Variants in URB1 observed in about 807,000 individuals in gnomAD.
URB1 encodes URB1 ribosome biogenesis factor, also known as nucleolar pre-ribosomal-associated protein 1.
In URB1, 197 loss-of-function variants were observed where a neutral mutation model predicts 242.3. The ratio of observed to expected loss-of-function variants is 0.81; its 90% CI spans 0.72 to 0.91. The LOEUF (loss-of-function observed/expected upper bound fraction) is 0.91, where lower values mean the gene tolerates loss of function less well. URB1 is among the 40% of genes least tolerant of loss of function. URB1 has a pLI of 0.00. For missense variants in URB1, 2,721 were observed against 2,860.5 expected, an observed-to-expected ratio of 0.95 and a Z score of 1.11; for synonymous variants, 1,153 against 1,201.8, an observed-to-expected ratio of 0.96 and a Z score of 0.84.
In URB1 at chr21:32,321,873, C is replaced by A; in HGVS notation, c.5412G>T (p.Leu1804=). The A allele has an allele frequency of 6.4e-7, 1 of 1,551,748 alleles. No individual in the cohort carries two copies. Among genetic ancestry groups the A allele is most frequent in the South Asian group, 1.2e-5 (1 of 84,062 alleles). The change falls in exon 34 of 39, where the codon CTG becomes CTT. Residue 1804 remains leucine (L), a synonymous_variant. Coordinates refer to ENST00000382751, the MANE Select transcript of URB1 (RefSeq NM_014825.3). ...QGIRDKQCYE[L]CARRGIFHII... Reference sequence around the variant, plus strand: ...TGTGGAAGATGCCACGCCGGGCACACAGTTCGTAGCACTGCTTGTCACGGA... The same window carrying A: ...TGTGGAAGATGCCACGCCGGGCACAAAGTTCGTAGCACTGCTTGTCACGGA...
rs143298330 is a variant in URB1, at chr21:32,359,083, G to A, written c.1869+713C>T. Among the ~76,000 whole-genome samples, 310 of 152,312 alleles carry A rather than the reference G, an allele frequency of 2.0e-3. 1 individual carries two copies. The East Asian group carries it at 0.022, about 11-fold the overall frequency. The stretch of plus-strand genomic sequence containing the variant: ...GGCACAGCATTCTTAAGTCTTCCTG[G>A]AAATGTCGCGTGTAGAAATGCCAAC... On this transcript the variant is annotated intron_variant, in intron 14 of 38. Coordinates refer to ENST00000382751, the MANE Select transcript of URB1 (RefSeq NM_014825.3).
intron 34 of URB1, 46 bp downstream of exon 34, chr21:32,321,755 G>A (rs2032768916): frequency 1.3e-6 from 2 of 1,542,316 alleles, no homozygotes. Context: ...TCTTAAGAAG[G>A]GGCACAGACC....
In URB1 at chr21:32,347,770, G is replaced by A. The variant is rs2033109569; in HGVS notation, c.3054C>T (p.Thr1018=). The change falls in exon 22 of 39, where the codon ACC becomes ACT. Residue 1018 remains threonine (T), a synonymous_variant. Coordinates refer to ENST00000382751, the MANE Select transcript of URB1 (RefSeq NM_014825.3). ...CCAGGGCCAGGAACCAGCCCTCCAG[G>A]GTGGGGTGCCTGAGGATGGCCACAA... ...EVLVAILRHP[T]LEGWFLALEQ... 6.5e-7 allele frequency: 1 copy of A among 1,548,234 alleles called. No homozygotes were observed. The highest frequency in any genetic ancestry group is 8.7e-7 in the Non-Finnish European group (1 of 1,146,866).
chr21:32,355,315 C>G (rs1328657574), intron 16 of URB1, 134 bp downstream of exon 16: 1 of 776,778 alleles, frequency 1.3e-6, no homozygotes, highest in Non-Finnish European at 2.1e-6. Context: ...ATTCTGAAGT[C>G]TCAGCAAGAA....
intron 2 of URB1, among the ~76,000 whole-genome samples, chr21:32,385,314 T>C (rs1156597249): frequency 6.6e-6 from 1 of 152,230 alleles, no homozygotes; most frequent in Non-Finnish European, 1.5e-5. Context: ...GAATCTATGA[T>C]CCTTCCTTCT....
chr21:32,357,584 T>C lies in URB1; in HGVS notation c.1942A>G (p.Ser648Gly), dbSNP rs564114897. ...FYLLMKMFVT[S>G]SHLQLKSLTK... ...AATGACTTCAGTTGTAAATGGCTAC[T>C]GGTCACAAACATTTTCATTAGTAAG... The change falls in exon 15 of 39, where the codon AGT becomes GGT. Residue 648 changes from serine to glycine, a missense_variant. By Grantham distance (56) the Ser-to-Gly change is moderately conservative (BLOSUM62 0). Coordinates refer to ENST00000382751, the MANE Select transcript of URB1 (RefSeq NM_014825.3). 4.6e-6 allele frequency: 7 copies of C among 1,535,814 alleles called. No individual in the cohort carries two copies. In the African/African-American group the frequency reaches 8.3e-5, roughly 18 times the overall value.
chr21:32,359,656 G>C (rs2033262131), intron 14 of URB1, 140 bp downstream of exon 14: 1 of 691,940 alleles, frequency 1.4e-6, no homozygotes, highest in Admixed American at 3.7e-5. Context: ...CTCTGCTGTG[G>C]GTCTCTCTAA....
chr21:32,312,226 G>C lies in URB1; in HGVS notation c.*2692C>G. ...TTTATTGAGCACACCTAGCCTGCTT[G>C]CTTACTGCTTATATTTGCTCAGGGA... On this transcript the variant is annotated 3_prime_UTR_variant, in exon 39 of 39. Transcript: ENST00000382751. 1 of 1,443,202 alleles carries C rather than the reference G, an allele frequency of 6.9e-7. No homozygotes were observed. The highest frequency in any genetic ancestry group is 9.1e-7 in the Non-Finnish European group (1 of 1,100,940). 89.4% of individuals were successfully genotyped at this position (1,443,202 alleles called of 1,614,324 possible).
chr21:32,341,635 C>T (rs1296189873), intron 24 of URB1, 111 bp from the exon 25 acceptor site: 3 of 929,862 alleles, frequency 3.2e-6, no homozygotes, highest in African/African-American at 3.3e-5. Flanking sequence ...GGCCTGACTA[C>T]CTCCTCTGTA....
At chr21:32,370,478 A>T (rs1440806007) in intron 8 of URB1, among the ~76,000 whole-genome samples, 1 of 152,258 alleles carries the variant, frequency 6.6e-6, no homozygotes, top group Non-Finnish European at 1.5e-5. Context: ...TTTAATCAAC[A>T]ACGTAATAAA....
At chr21:32,370,701 C>G (rs1341505162) in intron 8 of URB1, among the ~76,000 whole-genome samples, 2 of 152,218 alleles carry the variant, frequency 1.3e-5, no homozygotes, top group Admixed American at 6.5e-5. Context: ...CAGCGACTGG[C>G]AAAGTAGGGC....
In URB1 at chr21:32,328,667, AG is replaced by A. The variant is rs1229667367; in HGVS notation, c.4961-3279del. On this transcript the variant is annotated intron_variant, in intron 30 of 38. Transcript: ENST00000382751. The stretch of plus-strand genomic sequence containing the variant: ...TACTCACTAAAAGCAGCTAATACTC[AG>A]CTGGCTGGGATATTTTTAGTAATCA... Among the ~76,000 whole-genome samples, 4 of 152,348 alleles carry A rather than the reference AG, an allele frequency of 2.6e-5. No homozygotes were observed. In the South Asian group the frequency reaches 8.3e-4, roughly 32 times the overall value.
intron 23 of URB1, 46 bp from the exon 24 acceptor site, chr21:32,344,802 C>T: frequency 3.9e-6 from 6 of 1,522,472 alleles, no homozygotes; most frequent in Non-Finnish European, 5.3e-6. Flanking sequence ...GGTTTAAATC[C>T]TTCTGACTTT....
chr21:32,330,205 T>G (rs1014994037), intron 30 of URB1, among the ~76,000 whole-genome samples: 1 of 150,050 alleles, frequency 6.7e-6, no homozygotes, highest in South Asian at 2.1e-4. Flanking sequence ...GTGTTTTTTT[T>G]TTTTTTTTTT....
intron 25 of URB1, among the ~76,000 whole-genome samples, chr21:32,339,463 G>A (rs888433041): frequency 2.0e-5 from 3 of 151,532 alleles, no homozygotes; most frequent in African/African-American, 7.3e-5. Flanking sequence ...AACAAGGGAG[G>A]GATGCAGTGC....
In URB1 at chr21:32,337,021, C is replaced by G. The variant is rs77964069; in HGVS notation, c.4685+73G>C. On this transcript the variant is annotated intron_variant, in intron 28 of 38. Coordinates refer to ENST00000382751, the MANE Select transcript of URB1 (RefSeq NM_014825.3). The stretch of plus-strand genomic sequence containing the variant: ...ACCAAAATGGAATGAGAGAAAATCT[C>G]GAGTCTGGAGCTCACTGTGTGGAGA... The G allele has an allele frequency of 2.1e-6, 3 of 1,421,330 alleles. No individual in the cohort carries two copies. In the African/African-American group the frequency reaches 4.3e-5, roughly 20 times the overall value. 88.0% of individuals were successfully genotyped at this position (1,421,330 alleles called of 1,614,324 possible).
rs551339193 is a variant in URB1, at chr21:32,367,867, G to C, written c.1197+536C>G. ...ATTTCACTCTAAGCAAAATCTTGATGAACAGGATAAATTGGCTCAAAAGAT... is the reference window on the plus strand; with the variant it reads ...ATTTCACTCTAAGCAAAATCTTGATCAACAGGATAAATTGGCTCAAAAGAT... On this transcript the variant is annotated intron_variant, in intron 9 of 38. Transcript: ENST00000382751. Among the ~76,000 whole-genome samples, 10 of 152,306 alleles carry C rather than the reference G, an allele frequency of 6.6e-5. No individual in the cohort carries two copies. In the East Asian group the frequency reaches 1.7e-3, roughly 26 times the overall value.
chr21:32,350,393 G>A (rs975077832), intron 20 of URB1, among the ~76,000 whole-genome samples: 3 of 152,212 alleles, frequency 2.0e-5, no homozygotes, highest in Non-Finnish European at 4.4e-5. Context: ...GCTATGATGC[G>A]CCACTGCACT....
chr21:32,350,969 C>T (rs1280415102), intron 19 of URB1, 47 bp from the exon 20 acceptor site: 1 of 1,516,186 alleles, frequency 6.6e-7, no homozygotes, highest in Non-Finnish European at 8.8e-7. Context: ...CACATCACCA[C>T]AGATGAAAAC....
Sources: allele counts gnomAD v4.1 joint callset (sites outside exome capture counted in the v4.1 genomes callset), GRCh38; gene constraint gnomAD v4.1.1; transcripts MANE v1.5; gene names NCBI Gene and HGNC (gene_info 2026-07-23, HGNC 2026-07-21).